Variants in PCDHA5 observed in about 807,000 individuals in gnomAD.
PCDHA5 encodes protocadherin alpha 5.
PCDHA5 carries 43 observed loss-of-function variants against 61.6 expected under a neutral mutation model. That is an observed-to-expected ratio of 0.70 (90% CI 0.55 to 0.90). PCDHA5 has a LOEUF of 0.90. Among genes scored for constraint, PCDHA5 ranks in the 40% least tolerant of loss-of-function variants. PCDHA5 has a pLI of 0.00. For missense variants in PCDHA5, 1,298 were observed against 1,222.7 expected (o/e 1.06, Z -0.92); for synonymous variants, 627 against 543.9 (o/e 1.15, Z -2.13).
chr5:140,876,878 C>T (rs1305242755), intron 1 of PCDHA5: 1 of 1,614,118 alleles, frequency 6.2e-7, no homozygotes, highest in Admixed American at 1.7e-5. Context: ...GAGAACAACC[C>T]GCCGGGCTGC....
At position 140,853,586 on chromosome 5, in the gene PCDHA5, A is replaced by T; in HGVS notation, c.2352+29459A>T. 4 of 985,384 alleles carry T rather than the reference A, an allele frequency of 4.1e-6. 1 individual carries two copies. Among genetic ancestry groups the T allele is most frequent in the Non-Finnish European group, 4.9e-6 (4 of 817,556 alleles). 61.0% of individuals were successfully genotyped at this position (985,384 alleles called of 1,614,324 possible). ...ACTAAGTTGTCACCCAATATCTTAG[A>T]CACTTTGAGAGCAAAGGGGGTGCTG... is the stretch of plus-strand genomic sequence containing the variant. On this transcript the variant is annotated intron_variant, in intron 1 of 3. Transcript: ENST00000529859.
Position 140,854,236 on chromosome 5 carries a change from A to C in PCDHA5, c.2352+30109A>C, listed in dbSNP as rs2043047042. 3.1e-6 allele frequency: 2 copies of C among 638,488 alleles called. 1 individual carries two copies. The highest frequency in any genetic ancestry group is 4.0e-5 in the African/African-American group (2 of 50,146). The allele number at this position is 638,488 out of a possible 1,614,324, so 39.6% of individuals were successfully genotyped here. On this transcript the variant is annotated intron_variant, in intron 1 of 3. Transcript: ENST00000529859. ...ATTGGACATCTACATTGGGATATTT[A>C]TGTTATCACTTGGTATAAAATGTAC... is the stretch of plus-strand genomic sequence containing the variant.
chr5:140,867,059 TTATA>T (rs782538902), intron 1 of PCDHA5: 1 of 152,152 alleles, frequency 6.6e-6, no homozygotes, highest in Non-Finnish European at 1.5e-5. Flanking sequence ...CAGTACTACT[TTATA>T]TATTCACAAA....
At chr5:140,857,153 G>A in intron 1 of PCDHA5, 1 of 1,598,322 alleles carries the variant, frequency 6.3e-7, no homozygotes, top group East Asian at 2.2e-5. Context: ...CACCGTCATT[G>A]CCCTAATCAG....
intron 1 of PCDHA5, among the ~76,000 whole-genome samples, chr5:140,975,395 C>T (rs2096665697): frequency 6.6e-6 from 1 of 152,246 alleles, no homozygotes; most frequent in Admixed American, 6.5e-5. Flanking sequence ...AGATCCATCA[C>T]AATCACAGTC....
chr5:140,873,418 A>C (rs2054276774), intron 1 of PCDHA5, among the ~76,000 whole-genome samples: 1 of 152,174 alleles, frequency 6.6e-6, no homozygotes. Flanking sequence ...AATTTTGTAA[A>C]TTATTATTTT....
At chr5:140,889,101 T>TCC in intron 1 of PCDHA5, among the ~76,000 whole-genome samples, 1 of 152,074 alleles carries the variant, frequency 6.6e-6, no homozygotes, top group East Asian at 1.9e-4. Context: ...AATTTTTTCA[T>TCC]CTTTATTCCA....
rs189730532 is a variant in PCDHA5, at chr5:140,870,328, G to T, written c.2352+46201G>T. 1.5e-5 allele frequency: 24 copies of T among 1,614,208 alleles called. 2 individuals carry two copies. In the East Asian group the frequency reaches 4.7e-4, roughly 31 times the overall value. Reference sequence around the variant, plus strand: ...CAAGAATTACTACTCGTTGGTGCTGGACAGCGCCCTGGACCGCGAGAACGT... The same window carrying T: ...CAAGAATTACTACTCGTTGGTGCTGTACAGCGCCCTGGACCGCGAGAACGT... On this transcript the variant is annotated intron_variant, in intron 1 of 3. Transcript: ENST00000529859.
chr5:140,883,594 G>C (rs1562791129), intron 1 of PCDHA5: 5 of 1,614,032 alleles, frequency 3.1e-6, no homozygotes, highest in South Asian at 1.1e-5. Context: ...CCAGCGTGTC[G>C]GTGGGGGTGG....
rs2150462879 is a variant in PCDHA5 at position 140,850,003 on chromosome 5, C to T, written c.2352+25876C>T. On this transcript the variant is annotated intron_variant, in intron 1 of 3. Coordinates refer to ENST00000529859, the MANE Select transcript of PCDHA5 (RefSeq NM_018908.3). ...GTGGAGCGGCGGTTGGGCGAGCGCTCGCTGTCGAGCTACGTGTCAGTGCAC... is the reference window on the plus strand; with the variant it reads ...GTGGAGCGGCGGTTGGGCGAGCGCTTGCTGTCGAGCTACGTGTCAGTGCAC... 1.5e-5 allele frequency: 24 copies of T among 1,596,910 alleles called. No homozygotes were observed. The East Asian group carries it at 5.1e-4, about 34-fold the overall frequency.
intron 1 of PCDHA5, chr5:140,829,525 T>G (rs2150169385): frequency 6.2e-7 from 1 of 1,613,356 alleles, no homozygotes; most frequent in East Asian, 2.2e-5. Context: ...TCACGGTGTC[T>G]GCGCGAGACG....
chr5:140,842,488 G>A, intron 1 of PCDHA5: 3 of 1,613,912 alleles, frequency 1.9e-6, no homozygotes, highest in Non-Finnish European at 1.7e-6. Flanking sequence ...CCTGCTCCCT[G>A]ATGCCCCATG....
intron 1 of PCDHA5, chr5:140,884,487 T>C (rs374963144): frequency 6.2e-7 from 1 of 1,613,832 alleles, no homozygotes; most frequent in African/African-American, 1.3e-5. Flanking sequence ...CCCACTCTAG[T>C]GTGCTCCAGC....
intron 1 of PCDHA5, among the ~76,000 whole-genome samples, chr5:140,941,848 G>A (rs2093183003): frequency 6.6e-6 from 1 of 152,142 alleles, no homozygotes; most frequent in South Asian, 2.1e-4. Flanking sequence ...GCCATTACCT[G>A]ATATTCCCTA....
intron 1 of PCDHA5, among the ~76,000 whole-genome samples, chr5:140,878,595 A>G (rs1413193453): frequency 6.6e-6 from 1 of 152,192 alleles, no homozygotes; most frequent in East Asian, 1.9e-4. Flanking sequence ...CCTATTACCA[A>G]GTGAATCTTC....
intron 1 of PCDHA5, among the ~76,000 whole-genome samples, chr5:140,954,988 A>G (rs554115730): frequency 2.0e-5 from 3 of 152,204 alleles, no homozygotes; most frequent in Admixed American, 6.5e-5. Context: ...AATTTTCTGC[A>G]TATGGCTAGC....
intron 1 of PCDHA5, among the ~76,000 whole-genome samples, chr5:140,973,202 T>C (rs1266876355): frequency 3.3e-5 from 5 of 152,244 alleles, no homozygotes; most frequent in African/African-American, 1.2e-4. Flanking sequence ...TATGTGTGCA[T>C]ATTCACCCTA....
intron 1 of PCDHA5, among the ~76,000 whole-genome samples, chr5:140,957,916 T>C (rs1554223208): frequency 6.6e-6 from 1 of 152,114 alleles, no homozygotes; most frequent in African/African-American, 2.4e-5. Context: ...TTGTTATCTA[T>C]GTATCAAGCT....
At chr5:141,005,868 G>T (rs1428789229) in intron 3 of PCDHA5, among the ~76,000 whole-genome samples, 1 of 152,078 alleles carries the variant, frequency 6.6e-6, no homozygotes, top group African/African-American at 2.4e-5. Flanking sequence ...GGTCGATTGA[G>T]TCCAGGAGTT....
Sources: allele counts gnomAD v4.1 joint callset (sites outside exome capture counted in the v4.1 genomes callset), GRCh38; gene constraint gnomAD v4.1.1; transcripts MANE v1.5; gene names NCBI Gene and HGNC (gene_info 2026-07-23, HGNC 2026-07-21).